The following DPP6 variants were observed in gnomAD, a reference collection of about 807,000 sequenced individuals.
The protein encoded by DPP6 is A-type potassium channel modulatory protein DPP6.
A neutral mutation model predicts 122.6 loss-of-function variants in DPP6; 69 were observed. The observed-to-expected ratio is 0.56, with a 90% CI of 0.46 to 0.69. DPP6 has a LOEUF of 0.69. Ranked by LOEUF, DPP6 falls within the 30% of genes least tolerant of loss-of-function variation. The pLI, the probability that DPP6 is intolerant of heterozygous loss-of-function variation, is 0.00. For synonymous variants in DPP6, 418 were observed against 433.1 expected, an observed-to-expected ratio of 0.97 and a Z score of 0.43; for missense variants, 928 against 1,116.9, an observed-to-expected ratio of 0.83 and a Z score of 2.41.
intron 1 of DPP6, among the ~76,000 whole-genome samples, chr7:154,355,273 G>A (rs1811182413): frequency 6.6e-6 from 1 of 152,090 alleles, no homozygotes; most frequent in South Asian, 2.1e-4. Flanking sequence ...ATATATTCTA[G>A]GTATGAGACC....
At chr7:153,924,475 G>T (rs1800796884) in intron 1 of DPP6, among the ~76,000 whole-genome samples, 1 of 152,174 alleles carries the variant, frequency 6.6e-6, no homozygotes, top group African/African-American at 2.4e-5. Flanking sequence ...CAATGATGAT[G>T]AAAGTTGTTA....
At position 154,372,262 on chromosome 7, in the gene DPP6, C is replaced by T. The variant is rs6945866; in HGVS notation, c.244-73952C>T. Among the ~76,000 whole-genome samples, 560 of 152,236 alleles carry T rather than the reference C, an allele frequency of 3.7e-3. 3 individuals are homozygous for T. Among genetic ancestry groups the T allele is most frequent in the African/African-American group, 0.012 (519 of 41,558 alleles). On this transcript the variant is annotated intron_variant, in intron 1 of 25. Transcript: ENST00000377770. The stretch of plus-strand genomic sequence containing the variant: ...GCTATGCATGAAGCGTAACACAGGG[C>T]GGTTTGAGTCATCTTCCTCGGGGAG...
intron 5 of DPP6, among the ~76,000 whole-genome samples, chr7:154,580,607 T>A (rs984101406): frequency 6.6e-6 from 1 of 151,902 alleles, no homozygotes; most frequent in African/African-American, 2.4e-5. Flanking sequence ...GGTCAGAAAC[T>A]GACATTCAAC....
At chr7:154,214,365 C>T (rs552192695) in intron 1 of DPP6, among the ~76,000 whole-genome samples, 3 of 152,338 alleles carry the variant, frequency 2.0e-5, no homozygotes, top group Non-Finnish European at 2.9e-5. Context: ...CATGGGTTCT[C>T]ATGACCTCTG....
rs370418220 is a variant in DPP6, at chr7:154,616,104, G to C, written c.628-21717G>C. 5.3e-5 allele frequency among the ~76,000 whole-genome samples: 8 copies of C among 152,110 alleles called. No individual in the cohort carries two copies. In the East Asian group the frequency reaches 5.8e-4, roughly 11 times the overall value. ...AGCTCAGCTTCCTGGGATGATTTGG[G>C]TACAGCCCCACCCAGATGTCTCTAA... On this transcript the variant is annotated intron_variant, in intron 5 of 25. Transcript: ENST00000377770.
At chr7:154,778,317 G>A (rs919518980) in intron 10 of DPP6, among the ~76,000 whole-genome samples, 8 of 152,014 alleles carry the variant, frequency 5.3e-5, no homozygotes, top group Admixed American at 2.6e-4. Context: ...ACACAGTGAT[G>A]CCAGATGCCC....
chr7:154,134,959 C>A (rs2150644243), intron 1 of DPP6, among the ~76,000 whole-genome samples: 1 of 152,268 alleles, frequency 6.6e-6, no homozygotes, highest in East Asian at 1.9e-4. Context: ...TGTGAGTGTA[C>A]ACTTCCTGTG....
At chr7:154,099,458 G>A (rs1273442502) in intron 1 of DPP6, among the ~76,000 whole-genome samples, 1 of 152,012 alleles carries the variant, frequency 6.6e-6, no homozygotes, top group African/African-American at 2.4e-5. Flanking sequence ...AAAAATCAGG[G>A]AATGAATATA....
intron 3 of DPP6, among the ~76,000 whole-genome samples, chr7:154,477,629 T>C (rs1345782213): frequency 6.6e-6 from 1 of 152,084 alleles, no homozygotes; most frequent in Non-Finnish European, 1.5e-5. Flanking sequence ...TTGATTTTTA[T>C]GAGCAAATGA....
chr7:154,586,725 G>T (rs1832478724), intron 5 of DPP6, among the ~76,000 whole-genome samples: 1 of 152,316 alleles, frequency 6.6e-6, no homozygotes, highest in African/African-American at 2.4e-5. Context: ...GTCCTGAGTG[G>T]CTTTGCTCGT....
chr7:153,969,970 A>G (rs373911660), intron 1 of DPP6, among the ~76,000 whole-genome samples: 7,749 of 151,182 alleles, frequency 0.051, 647 homozygotes, highest in African/African-American at 0.18. Context: ...TCTCAGTACA[A>G]TACCTTCAAG....
chr7:154,686,751 A>G (rs1365911468), intron 7 of DPP6, among the ~76,000 whole-genome samples: 1 of 152,098 alleles, frequency 6.6e-6, no homozygotes, highest in Non-Finnish European at 1.5e-5. Context: ...CCAGGGGGTG[A>G]CCTAAGTATT....
chr7:154,707,328 T>C (rs771003536), intron 7 of DPP6, among the ~76,000 whole-genome samples: 1 of 152,238 alleles, frequency 6.6e-6, no homozygotes, highest in Non-Finnish European at 1.5e-5. Flanking sequence ...TGTAATTATC[T>C]GTATTTTGTG....
At chr7:153,833,827 C>T in the DPP6 span, among the ~76,000 whole-genome samples, 2 of 152,176 alleles carry the variant, frequency 1.3e-5, no homozygotes, top group African/African-American at 2.4e-5. Flanking sequence ...CCTTGGCTCA[C>T]GCATTTCCTA....
intron 1 of DPP6, among the ~76,000 whole-genome samples, 183 bp downstream of exon 1, chr7:154,053,246 G>A (rs1800534440): frequency 1.3e-5 from 2 of 150,796 alleles, no homozygotes; most frequent in Admixed American, 1.3e-4. Context: ...GTCCCGGAGG[G>A]AGCGGGTCTG....
chr7:154,344,814 G>C (rs1810255869), intron 1 of DPP6, among the ~76,000 whole-genome samples: 1 of 152,142 alleles, frequency 6.6e-6, no homozygotes, highest in African/African-American at 2.4e-5. Flanking sequence ...CTTGAACCCA[G>C]GAGGCGGAGG....
At chr7:154,730,967 G>C (rs1842309701) in intron 8 of DPP6, among the ~76,000 whole-genome samples, 1 of 152,232 alleles carries the variant, frequency 6.6e-6, no homozygotes, top group Admixed American at 6.5e-5. Context: ...TGTGATAACA[G>C]AGCCCTAAAT....
intron 16 of DPP6, among the ~76,000 whole-genome samples, chr7:154,832,947 A>G (rs184596742): frequency 8.5e-5 from 13 of 152,242 alleles, no homozygotes; most frequent in Non-Finnish European, 1.8e-4. Flanking sequence ...CGAGCCCTCC[A>G]GTTCGAGAAG....
At chr7:153,831,798 C>T in the DPP6 span, among the ~76,000 whole-genome samples, 12 of 152,088 alleles carry the variant, frequency 7.9e-5, no homozygotes, top group Non-Finnish European at 1.8e-4. Flanking sequence ...TGTTTGCAGA[C>T]CTCGGGCCAA....
Sources: gnomAD v4.1 joint callset for allele counts (sites outside exome capture counted in the v4.1 genomes callset) on GRCh38, gnomAD v4.1.1 for gene constraint, MANE v1.5 for transcripts, NCBI Gene and HGNC (gene_info 2026-07-23, HGNC 2026-07-21) for gene names.